The following ZCCHC7 variants were observed in gnomAD, a reference collection of about 807,000 sequenced individuals.
ZCCHC7 encodes zinc finger CCHC domain-containing protein 7.
ZCCHC7 carries 35 observed loss-of-function variants against 52.0 expected under a neutral mutation model. The observed-to-expected ratio is 0.67, with a 90% CI of 0.51 to 0.89. ZCCHC7 has a LOEUF of 0.89. Among genes scored for constraint, ZCCHC7 ranks in the 40% least tolerant of loss-of-function variants. The pLI is 0.00. For synonymous variants in ZCCHC7, 217 were observed against 221.5 expected, an observed-to-expected ratio of 0.98 and a Z score of 0.18; for missense variants, 574 against 649.1, an observed-to-expected ratio of 0.88 and a Z score of 1.26.
chr9:37,235,151 GTAT>G (rs911565668), intron 2 of ZCCHC7, among the ~76,000 whole-genome samples: 4 of 152,134 alleles, frequency 2.6e-5, no homozygotes, highest in African/African-American at 7.2e-5. Flanking sequence ...ATACAATGTA[GTAT>G]TATTGTTAAT....
chr9:37,140,501 A>G (rs1475663843), intron 2 of ZCCHC7, among the ~76,000 whole-genome samples: 2 of 152,022 alleles, frequency 1.3e-5, no homozygotes, highest in Admixed American at 1.3e-4. Context: ...TATTCAATTT[A>G]AAAGTTTCTG....
At chr9:37,349,297 A>G in intron 6 of ZCCHC7, 60 bp from the exon 7 acceptor site, 2 of 1,552,682 alleles carry the variant, frequency 1.3e-6, no homozygotes, top group South Asian at 2.3e-5. Context: ...TCTTTTGGAA[A>G]GAATGAGGTT....
intron 2 of ZCCHC7, among the ~76,000 whole-genome samples, chr9:37,264,894 C>T (rs540875337): frequency 2.5e-4 from 38 of 152,148 alleles, no homozygotes; most frequent in Non-Finnish European, 4.6e-4. Context: ...AGTGTAAGAG[C>T]AGGCCCTTCT....
intron 2 of ZCCHC7, among the ~76,000 whole-genome samples, chr9:37,295,529 G>T (rs893482559): frequency 6.6e-6 from 1 of 152,136 alleles, no homozygotes; most frequent in Non-Finnish European, 1.5e-5. Context: ...CATAATCTGG[G>T]TAAGATATTA....
chr9:37,198,163 A>G (rs1370647052), intron 2 of ZCCHC7, among the ~76,000 whole-genome samples: 1 of 152,004 alleles, frequency 6.6e-6, no homozygotes. Flanking sequence ...TTATGTTTTC[A>G]TATCTTTTTT....
chr9:37,126,751 C>G lies in ZCCHC7; in HGVS notation c.419C>G (p.Pro140Arg). 6.2e-7 allele frequency: 1 copy of G among 1,614,042 alleles called. No homozygotes were observed. The highest frequency in any genetic ancestry group is 8.5e-7 in the Non-Finnish European group (1 of 1,180,006). ...AAATGCAAGAGTGATATTGAGAAGC[C>G]TAAATCTGAAGAGAGATCAGGTGTA... ...DKKCKSDIEK[P>R]KSEERSGVIR... The change falls in exon 2 of 9, where the codon CCT (proline) becomes CGT (arginine). Residue 140 changes from proline to arginine, a missense_variant. By Grantham distance (103) the Pro-to-Arg change is moderately radical. Coordinates refer to ENST00000336755, the MANE Select transcript of ZCCHC7 (RefSeq NM_032226.3).
intron 2 of ZCCHC7, among the ~76,000 whole-genome samples, chr9:37,214,441 T>G (rs974953500): frequency 2.0e-4 from 30 of 152,022 alleles, no homozygotes; most frequent in African/African-American, 7.2e-4. Context: ...TTTAGCTTTT[T>G]CAGCTGCTTT....
chr9:37,189,264 T>A (rs1248972535), intron 2 of ZCCHC7, among the ~76,000 whole-genome samples: 1 of 151,984 alleles, frequency 6.6e-6, no homozygotes, highest in African/African-American at 2.4e-5. Flanking sequence ...GCATCTGTTG[T>A]TTTTTTCTCA....
At chr9:37,266,427 G>A (rs1827110620) in intron 2 of ZCCHC7, among the ~76,000 whole-genome samples, 1 of 152,096 alleles carries the variant, frequency 6.6e-6, no homozygotes, top group African/African-American at 2.4e-5. Context: ...GACAGGATTT[G>A]ATAAATCATC....
chr9:37,169,335 C>A (rs1488032058), intron 2 of ZCCHC7, among the ~76,000 whole-genome samples: 2 of 152,212 alleles, frequency 1.3e-5, no homozygotes, highest in African/African-American at 4.8e-5. Context: ...TAAGCTCGTT[C>A]TAAAAATCCA....
intron 2 of ZCCHC7, among the ~76,000 whole-genome samples, chr9:37,194,500 A>G (rs193243849): frequency 6.6e-6 from 1 of 152,194 alleles, no homozygotes. Flanking sequence ...TGAACAGATA[A>G]TAGAGAGTGT....
At position 37,214,100 on chromosome 9, in the gene ZCCHC7, A is replaced by G. The variant is rs181254380; in HGVS notation, c.610+87158A>G. ...TTACAAAGAATCACTTATTCCTAGG[A>G]TTGTTCCCCAAGACATCTGAAATCT... On this transcript the variant is annotated intron_variant, in intron 2 of 8. Coordinates refer to ENST00000336755, the MANE Select transcript of ZCCHC7 (RefSeq NM_032226.3). Among the ~76,000 whole-genome samples the G allele has an allele frequency of 2.9e-5, 4 of 137,858 alleles. No homozygotes were observed. In the East Asian group the frequency reaches 7.7e-4, roughly 27 times the overall value. The allele number at this position is 137,858 out of a possible 152,430, so 90.4% of individuals were successfully genotyped here. A position where few individuals can be genotyped will look rare whatever the true frequency, so the allele number is the denominator to read the frequency against.
At position 37,291,370 on chromosome 9, in the gene ZCCHC7, A is replaced by G. The variant is rs74636867; in HGVS notation, c.611-10818A>G. 2.0e-5 allele frequency among the ~76,000 whole-genome samples: 3 copies of G among 152,338 alleles called. No individual in the cohort carries two copies. In the East Asian group the frequency reaches 5.8e-4, roughly 29 times the overall value. On this transcript the variant is annotated intron_variant, in intron 2 of 8. Transcript: ENST00000336755. ...GAATGATGTATTTCTGTGTAAAAAA[A>G]AAAAGCAGAGTATTCTCATAGTTAC... is the stretch of plus-strand genomic sequence containing the variant.
In ZCCHC7 at chr9:37,357,457, T is replaced by C. The variant is rs1281167191; in HGVS notation, c.*189T>C. ...CAATTCTCTGTGTCCAACAGGATAT[T>C]AGGTAAGAAAGTACAAAGATAAACC... On this transcript the variant is annotated 3_prime_UTR_variant, in exon 9 of 9. Coordinates refer to ENST00000336755, the MANE Select transcript of ZCCHC7 (RefSeq NM_032226.3). 1 of 448,762 alleles carries C rather than the reference T, an allele frequency of 2.2e-6. No homozygotes were observed. Among genetic ancestry groups the C allele is most frequent in the East Asian group, 3.5e-5 (1 of 28,850 alleles). 27.8% of individuals were successfully genotyped at this position (448,762 alleles called of 1,614,324 possible).
At chr9:37,216,111 C>G (rs755573381) in intron 2 of ZCCHC7, among the ~76,000 whole-genome samples, 1 of 152,122 alleles carries the variant, frequency 6.6e-6, no homozygotes, top group Admixed American at 6.5e-5. Context: ...TCCTGACATC[C>G]TAAACTCCTG....
chr9:37,240,275 ATATATT>A (rs1346724326), intron 2 of ZCCHC7, among the ~76,000 whole-genome samples: 1 of 151,974 alleles, frequency 6.6e-6, no homozygotes, highest in Non-Finnish European at 1.5e-5. Context: ...ATAACTCAGT[ATATATT>A]TTTGGCTTTA....
chr9:37,316,736 CT>C (rs1370114313), intron 5 of ZCCHC7, among the ~76,000 whole-genome samples: 1 of 152,168 alleles, frequency 6.6e-6, no homozygotes, highest in African/African-American at 2.4e-5. Context: ...AATTGTAACT[CT>C]TTCCCTGTTC....
intron 2 of ZCCHC7, among the ~76,000 whole-genome samples, chr9:37,266,013 C>T (rs1827089670): frequency 6.6e-6 from 1 of 152,160 alleles, no homozygotes; most frequent in Non-Finnish European, 1.5e-5. Context: ...CCTACTTCTT[C>T]CTCAAGATCT....
chr9:37,295,402 G>A (rs2133657965), intron 2 of ZCCHC7, among the ~76,000 whole-genome samples: 1 of 152,330 alleles, frequency 6.6e-6, no homozygotes, highest in South Asian at 2.1e-4. Flanking sequence ...TGTGTATCCT[G>A]TAGGCAGCAA....
Sources: allele counts gnomAD v4.1 joint callset (sites outside exome capture counted in the v4.1 genomes callset), GRCh38; gene constraint gnomAD v4.1.1; transcripts MANE v1.5; gene names NCBI Gene and HGNC (gene_info 2026-07-23, HGNC 2026-07-21).